CMTM4: variants seen among roughly 807,000 people sequenced by gnomAD.
CMTM4 encodes CKLF-like MARVEL transmembrane domain-containing protein 4.
In CMTM4, 8 loss-of-function variants were observed where a neutral mutation model predicts 19.0. The ratio of observed to expected loss-of-function variants is 0.42; its 90% confidence interval spans 0.25 to 0.76. CMTM4 has a LOEUF of 0.76. Ranked by LOEUF, CMTM4 falls within the 30% of genes least tolerant of loss-of-function variation. The pLI is 0.27. For synonymous variants in CMTM4, 106 were observed against 121.1 expected, an observed-to-expected ratio of 0.88 and a Z score of 0.82; for missense variants, 228 against 290.2, an observed-to-expected ratio of 0.79 and a Z score of 1.56.
the CMTM4 span, among the ~76,000 whole-genome samples, chr16:66,602,789 T>C: frequency 2.0e-5 from 3 of 152,132 alleles, no homozygotes; most frequent in African/African-American, 7.2e-5. Context: ...TCAGGTGATC[T>C]GCCTGCCTCA....
Position 66,619,582 on chromosome 16 carries a change from T to A in CMTM4, c.*2476A>T, listed in dbSNP as rs1333515326. ...CCCCCAGATATCGATTGTCTTCTGT[T>A]TGCATATAGAGGCAATATAAGAAAA... is the stretch of plus-strand genomic sequence containing the variant. On this transcript the variant is annotated 3_prime_UTR_variant, in exon 4 of 4. Coordinates refer to ENST00000394106, the MANE Select transcript of CMTM4 (RefSeq NM_181521.3). 3.0e-6 allele frequency: 3 copies of A among 985,246 alleles called. No homozygotes were observed. Among genetic ancestry groups the A allele is most frequent in the Non-Finnish European group, 3.6e-6 (3 of 829,934 alleles). 61.0% of individuals were successfully genotyped at this position (985,246 alleles called of 1,614,324 possible).
chr16:66,689,064 C>G (rs1359825926), intron 1 of CMTM4, among the ~76,000 whole-genome samples: 1 of 152,094 alleles, frequency 6.6e-6, no homozygotes, highest in East Asian at 1.9e-4. Context: ...GATTATCTAC[C>G]TAATCATGCC....
downstream of CMTM4, among the ~76,000 whole-genome samples, chr16:66,614,374 C>T (rs919413653): frequency 6.6e-6 from 1 of 152,212 alleles, no homozygotes; most frequent in Non-Finnish European, 1.5e-5. This position sits in a 1 kb window ranked among gnomAD's most constrained non-coding sequence, Gnocchi z 4.9. Context: ...CTCAGGCAGC[C>T]GGAACCCTGG....
At chr16:66,687,670 G>A (rs999260456) in intron 1 of CMTM4, among the ~76,000 whole-genome samples, 2 of 147,060 alleles carry the variant, frequency 1.4e-5, no homozygotes, top group Admixed American at 1.4e-4. Flanking sequence ...ACCAAATACC[G>A]TAAAAAGGGT....
At chr16:66,637,319 C>G (rs1383958839) in intron 1 of CMTM4, among the ~76,000 whole-genome samples, 1 of 152,132 alleles carries the variant, frequency 6.6e-6, no homozygotes, top group Non-Finnish European at 1.5e-5. Context: ...CCAAGGTTGG[C>G]AGATCACCGG....
At chr16:66,649,491 T>TATCC (rs1555500133) in intron 1 of CMTM4, among the ~76,000 whole-genome samples, 8 of 151,470 alleles carry the variant, frequency 5.3e-5, no homozygotes, top group East Asian at 2.0e-4. Flanking sequence ...TCTATCTATC[T>TATCC]ATCCCTGATT....
At chr16:66,670,297 T>C (rs1311602279) in intron 1 of CMTM4, among the ~76,000 whole-genome samples, 6 of 135,540 alleles carry the variant, frequency 4.4e-5, no homozygotes, top group Admixed American at 3.0e-4. Flanking sequence ...AAAAAAAAAA[T>C]ACAAAAATTA....
the CMTM4 span, among the ~76,000 whole-genome samples, chr16:66,600,136 G>GTGGT: frequency 0.023 from 3,027 of 134,342 alleles, 79 homozygotes; most frequent in Admixed American, 0.059. Context: ...GTGTGTGTGT[G>GTGGT]TTTTTTTTTG....
the CMTM4 span, among the ~76,000 whole-genome samples, chr16:66,600,195 TGCAGTG>T: frequency 5.5e-4 from 81 of 146,058 alleles, no homozygotes; most frequent in Non-Finnish European, 1.1e-3. Flanking sequence ...CAGGCTGGAG[TGCAGTG>T]GCACGATCTC....
chr16:66,668,600 T>C (rs994484572), intron 1 of CMTM4, among the ~76,000 whole-genome samples: 1 of 152,124 alleles, frequency 6.6e-6, no homozygotes, highest in Non-Finnish European at 1.5e-5. Flanking sequence ...ATGAGTAAGA[T>C]TTGAATTGTT....
At chr16:66,652,490 T>C (rs1460741658) in intron 1 of CMTM4, among the ~76,000 whole-genome samples, 1 of 152,230 alleles carries the variant, frequency 6.6e-6, no homozygotes, top group East Asian at 1.9e-4. Context: ...GTGTAAACAA[T>C]TTTGATATTT....
In CMTM4 at chr16:66,615,821, T is replaced by A. The variant is rs1319798428; in HGVS notation, c.*6237A>T. On this transcript the variant is annotated 3_prime_UTR_variant, in exon 4 of 4. Transcript: ENST00000394106. This position sits in a 1 kb window ranked among gnomAD's most constrained non-coding sequence, Gnocchi z 4.9. ...AGGGCTCTGATGCTACTCTTCTGTT[T>A]GTAAAATATGGAACCACTTTCTTTG... 6.6e-6 allele frequency: 1 copy of A among 152,212 alleles called. No homozygotes were observed. 9.4% of individuals were successfully genotyped at this position (152,212 alleles called of 1,614,324 possible). A position where few individuals can be genotyped will look rare whatever the true frequency, so the allele number is the denominator to read the frequency against.
Position 66,618,615 on chromosome 16 carries a change from C to T in CMTM4, c.*3443G>A, listed in dbSNP as rs577638078. ...CCACTAGGGTTGTTCAGGTCTCATTCACTGCAAGCAAGAATTCACGTACAT... is the reference window on the plus strand; with the variant it reads ...CCACTAGGGTTGTTCAGGTCTCATTTACTGCAAGCAAGAATTCACGTACAT... On this transcript the variant is annotated 3_prime_UTR_variant, in exon 4 of 4. Coordinates refer to ENST00000394106, the MANE Select transcript of CMTM4 (RefSeq NM_181521.3). 1.0e-6 allele frequency: 1 copy of T among 985,492 alleles called. No homozygotes were observed. Among genetic ancestry groups the T allele is most frequent in the East Asian group, 1.1e-4 (1 of 8,824 alleles). 61.0% of individuals were successfully genotyped at this position (985,492 alleles called of 1,614,324 possible).
rs1253858491 is a variant in CMTM4, at chr16:66,696,144, G to A, written c.186+196C>T. ...ACACCTGAGGCTGCCGGCCTGGGAA[G>A]GGCAGGCTCTGGCCGAAGGCGGGGT... On this transcript the variant is annotated intron_variant, in intron 1 of 3. Transcript: ENST00000394106. This position sits in a 1 kb window ranked among gnomAD's most constrained non-coding sequence, Gnocchi z 4.3. Among the ~76,000 whole-genome samples, 1 of 152,188 alleles carries A rather than the reference G, an allele frequency of 6.6e-6. No homozygotes were observed. The highest frequency in any genetic ancestry group is 1.5e-5 in the Non-Finnish European group (1 of 68,016).
chr16:66,691,384 A>G (rs896936668), intron 1 of CMTM4, among the ~76,000 whole-genome samples: 11 of 152,206 alleles, frequency 7.2e-5, no homozygotes, highest in Non-Finnish European at 1.5e-4. Context: ...TCCCCAACTA[A>G]GAGATACGTA....
intron 2 of CMTM4, among the ~76,000 whole-genome samples, chr16:66,626,549 T>G (rs1178873052): frequency 6.6e-6 from 1 of 152,082 alleles, no homozygotes; most frequent in African/African-American, 2.4e-5. Context: ...GAGATTGCAA[T>G]GAGCCAAGAT....
rs543609768 is a variant in CMTM4 at position 66,616,180 on chromosome 16, C to CT, written c.*5877dup. ...TTATCTTGTTTAACTAAATGTACAT[C>CT]TTTTTTTCCAATTCCATGATTGACA... On this transcript the variant is annotated 3_prime_UTR_variant, in exon 4 of 4. Transcript: ENST00000394106. 29 of 152,176 alleles carry CT rather than the reference C, an allele frequency of 1.9e-4. 1 individual carries two copies. In the South Asian group the frequency reaches 5.4e-3, roughly 28 times the overall value. 9.4% of individuals were successfully genotyped at this position (152,176 alleles called of 1,614,324 possible).
chr16:66,622,523 G>C lies in CMTM4; in HGVS notation c.463-301C>G, dbSNP rs541642888. ...ATGTGACACACAGAAAATCTTGCCT[G>C]ACCTAAAGACAGCCTAAGGTTTCTT... is the stretch of plus-strand genomic sequence containing the variant. On this transcript the variant is annotated intron_variant, in intron 3 of 3. Transcript: ENST00000394106. This position sits in a 1 kb window ranked among gnomAD's most constrained non-coding sequence, Gnocchi z 4.0. Among the ~76,000 whole-genome samples, 2 of 152,320 alleles carry C rather than the reference G, an allele frequency of 1.3e-5. No individual in the cohort carries two copies. Among genetic ancestry groups the C allele is most frequent in the South Asian group, 4.2e-4 (2 of 4,818 alleles).
At chr16:66,649,726 G>A (rs2016275813) in intron 1 of CMTM4, among the ~76,000 whole-genome samples, 1 of 152,120 alleles carries the variant, frequency 6.6e-6, no homozygotes, top group Non-Finnish European at 1.5e-5. Context: ...CAGGTCCAGA[G>A]CCCGACTCCC....
Sources: gnomAD v4.1 joint callset for allele counts (sites outside exome capture counted in the v4.1 genomes callset) on GRCh38, gnomAD v4.1.1 for gene constraint, Gnocchi (gnomAD v3.1) non-coding constraint, MANE v1.5 for transcripts, NCBI Gene and HGNC (gene_info 2026-07-23, HGNC 2026-07-21) for gene names.